DDX11: variants seen among roughly 807,000 people sequenced by gnomAD.
DDX11 encodes the protein ATP-dependent DNA helicase DDX11.
DDX11 carries 72 observed loss-of-function variants against 125.2 expected under a neutral mutation model. The observed-to-expected ratio is 0.58, with a 90% CI of 0.48 to 0.70. The LOEUF is 0.70. DDX11 is among the 30% of genes least tolerant of loss of function. The pLI is 0.00. For synonymous variants in DDX11, 347 were observed against 452.6 expected (o/e 0.77, Z 2.96); for missense variants, 883 against 1,165.0 (o/e 0.76, Z 3.52).
At chr12:31,095,743 C>T (rs552995031) in intron 14 of DDX11, among the ~76,000 whole-genome samples, 148 of 152,316 alleles carry the variant, frequency 9.7e-4, no homozygotes, top group African/African-American at 3.5e-3. Context: ...GCAGGCACTC[C>T]TTCTCTCGCC....
chr12:31,079,509 GAC>G (rs1941420475), intron 2 of DDX11, among the ~76,000 whole-genome samples: 1 of 135,788 alleles, frequency 7.4e-6, no homozygotes, highest in Admixed American at 7.7e-5. Context: ...AGCAAGAAAA[GAC>G]GAGGAGGAGA....
At chr12:31,081,665 G>A (rs74382646) in intron 2 of DDX11, among the ~76,000 whole-genome samples, 8,826 of 150,366 alleles carry the variant, frequency 0.059, 457 homozygotes, top group East Asian at 0.16. Context: ...GCAACCAGCA[G>A]GTGTTCAGAG....
At chr12:31,086,938 A>G (rs564131619) in intron 5 of DDX11, among the ~76,000 whole-genome samples, 235 of 132,564 alleles carry the variant, frequency 1.8e-3, no homozygotes, top group African/African-American at 6.9e-3. Flanking sequence ...GCCTGTAATA[A>G]TTACTCTTCT....
chr12:31,080,409 AC>A (rs1941665920), intron 2 of DDX11, among the ~76,000 whole-genome samples: 1 of 151,844 alleles, frequency 6.6e-6, no homozygotes, highest in Non-Finnish European at 1.5e-5. Flanking sequence ...CTCAGCTTCC[AC>A]TTAGAGCCCA....
intron 18 of DDX11, among the ~76,000 whole-genome samples, chr12:31,098,198 C>T (rs886749488): frequency 2.0e-5 from 3 of 152,216 alleles, no homozygotes; most frequent in Non-Finnish European, 2.9e-5. Flanking sequence ...AGTGGAGACT[C>T]CTCTGCTGCT....
chr12:31,080,592 G>A (rs1270442698), intron 2 of DDX11, among the ~76,000 whole-genome samples: 2 of 109,184 alleles, frequency 1.8e-5, no homozygotes. Context: ...TTGGGCTTGA[G>A]TGTCTCTGCC....
chr12:31,083,974 A>G lies in DDX11; in HGVS notation c.306A>G (p.Ala102=). Residue 102 remains alanine, a synonymous_variant, in exon 3 of 27, where the codon GCA becomes GCG. Coordinates refer to ENST00000542838, the MANE Select transcript of DDX11 (RefSeq NM_030653.4). ...TGTCTTCTTCCTGCGAAGGGGCTGCAGGCACCCCGAGGCCTGCTGGAGAAC... is the reference window on the plus strand; with the variant it reads ...TGTCTTCTTCCTGCGAAGGGGCTGCGGGCACCCCGAGGCCTGCTGGAGAAC... ...LCLSSSCEGA[A]GTPRPAGEPA... is the part of the protein sequence containing the mutation. 6.2e-7 allele frequency: 1 copy of G among 1,613,942 alleles called. No homozygotes were observed. Among genetic ancestry groups the G allele is most frequent in the Admixed American group, 1.7e-5 (1 of 60,016 alleles).
rs192305263 is a variant in DDX11 at position 31,095,306 on chromosome 12, G to A, written c.1482+484G>A. On this transcript the variant is annotated intron_variant, in intron 14 of 26. Coordinates refer to ENST00000542838, the MANE Select transcript of DDX11 (RefSeq NM_030653.4). ...CAAATCAGCAACAGTGACTGCCCCCGGGTACAGGGTTCTGCCTCTGTTGTA... is the reference window on the plus strand; with the variant it reads ...CAAATCAGCAACAGTGACTGCCCCCAGGTACAGGGTTCTGCCTCTGTTGTA... 3.0e-4 allele frequency among the ~76,000 whole-genome samples: 46 copies of A among 152,328 alleles called. No individual in the cohort carries two copies. In the East Asian group the frequency reaches 6.0e-3, roughly 20 times the overall value.
chr12:31,077,768 C>T lies in DDX11; in HGVS notation c.-4-622C>T, dbSNP rs375830540. ...CTGAGGCAGGAGAATGGTGTGAACC[C>T]GGGAGGCGGAGCGTGCAGTGAGCCG... On this transcript the variant is annotated intron_variant, in intron 1 of 26. Coordinates refer to ENST00000542838, the MANE Select transcript of DDX11 (RefSeq NM_030653.4). Among the ~76,000 whole-genome samples the T allele has an allele frequency of 9.3e-5, 14 of 151,338 alleles. 1 individual carries two copies. The highest frequency in any genetic ancestry group is 2.9e-4 in the African/African-American group (12 of 41,230).
chr12:31,101,003 C>T (rs765794563), intron 19 of DDX11, 24 bp from the exon 20 acceptor site: 9 of 1,592,866 alleles, frequency 5.7e-6, no homozygotes, highest in East Asian at 4.5e-5. Context: ...CTCCAGTTTT[C>T]GGCCCCTCCC....
intron 3 of DDX11, 85 bp from the exon 4 acceptor site, chr12:31,084,498 C>T (rs1317668440): frequency 6.6e-6 from 8 of 1,218,238 alleles, no homozygotes; most frequent in East Asian, 5.1e-5. Context: ...AGTGAGGAGG[C>T]GCCGGGCTGA....
chr12:31,077,027 C>T (rs1475579889), intron 1 of DDX11: 1 of 152,510 alleles, frequency 6.6e-6, no homozygotes, highest in African/African-American at 2.4e-5. Context: ...AACTACCTTT[C>T]CCCTCGTAAA....
intron 7 of DDX11, 65 bp from the exon 8 acceptor site, chr12:31,089,338 T>C: frequency 6.4e-7 from 1 of 1,566,472 alleles, no homozygotes; most frequent in Non-Finnish European, 8.8e-7. Context: ...CAGGTCCACG[T>C]GTGTTGGTAG....
At chr12:31,078,222 C>G in intron 1 of DDX11, 168 bp from the exon 2 acceptor site, 1 of 1,544,174 alleles carries the variant, frequency 6.5e-7, no homozygotes, top group Non-Finnish European at 8.8e-7. Context: ...GGTATGGCCT[C>G]ACGTGGACCT....
intron 5 of DDX11, among the ~76,000 whole-genome samples, chr12:31,085,473 C>T (rs547922920): frequency 6.6e-6 from 1 of 152,384 alleles, no homozygotes; most frequent in Non-Finnish European, 1.5e-5. Context: ...CTCAGCTGGC[C>T]TGGCTCTAGA....
In DDX11 at chr12:31,089,085, T is replaced by C. The variant is rs746527051; in HGVS notation, c.726T>C (p.Phe242=). The change falls in exon 7 of 27, where the codon TTT becomes TTC. Residue 242 remains phenylalanine, a synonymous_variant. Coordinates refer to ENST00000542838, the MANE Select transcript of DDX11 (RefSeq NM_030653.4). ...GGACACACTCCCAGCTGGCCCAGTT[T>C]GTGCATGAGGTGAAGAAGAGCCCCT... The part of the protein sequence containing the change: ...CSRTHSQLAQ[F]VHEVKKSPFG... 31 of 1,613,910 alleles carry C rather than the reference T, an allele frequency of 1.9e-5. No individual in the cohort carries two copies. Among genetic ancestry groups the C allele is most frequent in the South Asian group, 1.4e-4 (13 of 91,082 alleles).
intron 2 of DDX11, among the ~76,000 whole-genome samples, chr12:31,080,276 G>A (rs1213574719): frequency 1.3e-4 from 19 of 151,560 alleles, no homozygotes; most frequent in Non-Finnish European, 1.8e-4. Flanking sequence ...CCGGTCTTCC[G>A]GGAGGTGGTC....
chr12:31,102,081 C>T, intron 21 of DDX11, 99 bp downstream of exon 21: 3 of 1,490,350 alleles, frequency 2.0e-6, no homozygotes, highest in East Asian at 2.4e-5. Context: ...GCTTCTGGCT[C>T]CTCATCCCCA....
intron 17 of DDX11, among the ~76,000 whole-genome samples, chr12:31,097,453 G>A (rs188646475): frequency 3.9e-4 from 58 of 150,596 alleles, no homozygotes; most frequent in Middle Eastern, 3.4e-3. Context: ...GCTGAGGGGG[G>A]GCGGATCGTG....
Sources: gnomAD v4.1 joint callset for allele counts (sites outside exome capture counted in the v4.1 genomes callset) on GRCh38, gnomAD v4.1.1 for gene constraint, MANE v1.5 for transcripts, NCBI Gene and HGNC (gene_info 2026-07-23, HGNC 2026-07-21) for gene names.